Variants in PPP1R42 observed in about 807,000 individuals in gnomAD.
PPP1R42 encodes the protein protein phosphatase 1 regulatory subunit 42, also known as leucine rich repeat containing 67.
PPP1R42 carries 34 observed loss-of-function variants against 31.0 expected under a neutral mutation model. The observed-to-expected ratio is 1.10, with a 90% confidence interval of 0.83 to 1.46. PPP1R42 has a LOEUF of 1.46. Among genes scored for constraint, PPP1R42 ranks in the 40% most tolerant of loss-of-function variants. PPP1R42 has a pLI of 0.00. For synonymous variants in PPP1R42, 103 were observed against 109.8 expected, an observed-to-expected ratio of 0.94 and a Z score of 0.39; for missense variants, 268 against 303.0, an observed-to-expected ratio of 0.88 and a Z score of 0.86.
At chr8:67,022,820 G>C (rs140622538) in intron 1 of PPP1R42, among the ~76,000 whole-genome samples, 146 of 152,064 alleles carry the variant, frequency 9.6e-4, no homozygotes, top group African/African-American at 3.4e-3. Context: ...TGACAACACG[G>C]TCTTAATTAG....
At position 66,988,388 on chromosome 8, in the gene PPP1R42, A is replaced by G; in HGVS notation, c.670+12T>C. 1 of 1,409,594 alleles carries G rather than the reference A, an allele frequency of 7.1e-7. No individual in the cohort carries two copies. Among genetic ancestry groups the G allele is most frequent in the Non-Finnish European group, 9.3e-7 (1 of 1,080,586 alleles). 87.3% of individuals were successfully genotyped at this position (1,409,594 alleles called of 1,614,324 possible). A position where few individuals can be genotyped will look rare whatever the true frequency, so the allele number is the denominator to read the frequency against. On this transcript the variant is annotated intron_variant, in intron 6 of 7. Transcript: ENST00000685739. The stretch of plus-strand genomic sequence containing the variant: ...TCATTCTCTTAAAAATTATATTAAT[A>G]TAAATATGTACCCAGTGATTTGGAC...
At chr8:66,984,195 C>T (rs948774082) in intron 6 of PPP1R42, 1 of 1,570,106 alleles carries the variant, frequency 6.4e-7, no homozygotes, top group African/African-American at 1.4e-5. Flanking sequence ...CAGCCCCATG[C>T]TTTCTGAAAT....
intron 5 of PPP1R42, among the ~76,000 whole-genome samples, chr8:67,010,310 C>T (rs952998848): frequency 6.6e-6 from 1 of 152,148 alleles, no homozygotes; most frequent in African/African-American, 2.4e-5. Context: ...CAGTCAGAAT[C>T]ATTTCAAGTA....
intron 5 of PPP1R42, among the ~76,000 whole-genome samples, chr8:66,994,003 TTTC>T (rs1216263501): frequency 6.6e-6 from 1 of 152,192 alleles, no homozygotes; most frequent in African/African-American, 2.4e-5. Flanking sequence ...TATCTTCTCT[TTTC>T]TTCTATTTCC....
intron 5 of PPP1R42, among the ~76,000 whole-genome samples, chr8:66,988,924 T>G (rs1481780165): frequency 2.0e-5 from 3 of 151,956 alleles, no homozygotes; most frequent in African/African-American, 7.3e-5. Flanking sequence ...GCTTTTTATT[T>G]TACAAAGAAT....
chr8:67,000,255 G>A (rs1383730558), intron 5 of PPP1R42, among the ~76,000 whole-genome samples: 2 of 151,418 alleles, frequency 1.3e-5, no homozygotes, highest in East Asian at 3.9e-4. Flanking sequence ...ATTATTGTTT[G>A]TATTTTTCCC....
chr8:66,976,384 C>T (rs1277076858), intron 7 of PPP1R42, among the ~76,000 whole-genome samples: 1 of 152,190 alleles, frequency 6.6e-6, no homozygotes, highest in Non-Finnish European at 1.5e-5. Context: ...CAATATCCCC[C>T]TCCACCACAC....
chr8:66,995,048 C>T (rs966362649), intron 5 of PPP1R42, among the ~76,000 whole-genome samples: 9 of 152,100 alleles, frequency 5.9e-5, no homozygotes, highest in South Asian at 2.1e-4. Flanking sequence ...CTGTTGCTGA[C>T]GATTCAGGAT....
At chr8:66,985,975 C>T (rs1814997335) in intron 6 of PPP1R42, 4 of 745,998 alleles carry the variant, frequency 5.4e-6, no homozygotes, top group East Asian at 2.5e-5. Flanking sequence ...TTTCTGCTTC[C>T]GTCACTGCTA....
chr8:66,968,103 G>A (rs1814437233), intron 7 of PPP1R42, among the ~76,000 whole-genome samples: 1 of 151,864 alleles, frequency 6.6e-6, no homozygotes, highest in Non-Finnish European at 1.5e-5. Context: ...GAACAGTGAA[G>A]GCATTTGTTC....
intron 5 of PPP1R42, among the ~76,000 whole-genome samples, chr8:67,004,244 A>G (rs528461943): frequency 1.2e-4 from 18 of 152,338 alleles, no homozygotes; most frequent in African/African-American, 3.8e-4. Context: ...GCAAGGCTCT[A>G]TCTTGGAAGC....
rs568015201 is a variant in PPP1R42, at chr8:67,028,246, C to T, written c.-85+245G>A. Among the ~76,000 whole-genome samples the T allele has an allele frequency of 2.6e-5, 4 of 152,310 alleles. No homozygotes were observed. The South Asian group carries it at 8.3e-4, about 32-fold the overall frequency. Reference sequence around the variant, plus strand: ...ACGCCCACCGGGCTGCTTCCTCAGCCCCGCGACCACCCCTCCACCTGTGTC... The same window carrying T: ...ACGCCCACCGGGCTGCTTCCTCAGCTCCGCGACCACCCCTCCACCTGTGTC... On this transcript the variant is annotated intron_variant, in intron 1 of 7. Transcript: ENST00000685739.
intron 6 of PPP1R42, among the ~76,000 whole-genome samples, chr8:66,987,066 CT>C (rs1815040357): frequency 6.6e-6 from 1 of 152,004 alleles, no homozygotes; most frequent in African/African-American, 2.4e-5. Flanking sequence ...CTTTCCAGAT[CT>C]ATTTTTATTA....
chr8:67,001,679 C>T (rs895923596), intron 5 of PPP1R42, among the ~76,000 whole-genome samples: 1 of 152,160 alleles, frequency 6.6e-6, no homozygotes, highest in Non-Finnish European at 1.5e-5. Flanking sequence ...TACTACTTCA[C>T]GTATAATGTA....
chr8:66,964,444 T>C, intron 7 of PPP1R42, 110 bp from the exon 8 acceptor site: 1 of 403,642 alleles, frequency 2.5e-6, no homozygotes. Context: ...TAAAGGCTAA[T>C]GATTAATCAC....
At chr8:66,993,025 T>C (rs1376663354) in intron 5 of PPP1R42, among the ~76,000 whole-genome samples, 1 of 152,190 alleles carries the variant, frequency 6.6e-6, no homozygotes, top group South Asian at 2.1e-4. Context: ...CAAAGGCGCT[T>C]CAAACCCTAC....
chr8:67,028,152 C>A (rs1458867364), intron 1 of PPP1R42, among the ~76,000 whole-genome samples: 1 of 152,110 alleles, frequency 6.6e-6, no homozygotes, highest in Non-Finnish European at 1.5e-5. Flanking sequence ...TCAGTGGCTT[C>A]CAGATGCTCT....
At chr8:66,985,815 A>G (rs1814992139) in intron 6 of PPP1R42, 2 of 1,244,172 alleles carry the variant, frequency 1.6e-6, no homozygotes, top group Non-Finnish European at 1.2e-6. Flanking sequence ...TGTGGAGCTT[A>G]GTCAGCATGC....
chr8:66,967,050 C>T (rs1404464116), intron 7 of PPP1R42, among the ~76,000 whole-genome samples: 2 of 152,186 alleles, frequency 1.3e-5, no homozygotes, highest in Non-Finnish European at 2.9e-5. Flanking sequence ...AATCGCGGCT[C>T]ACTGCAGCCT....
Sources: gnomAD v4.1 joint callset for allele counts (sites outside exome capture counted in the v4.1 genomes callset) on GRCh38, gnomAD v4.1.1 for gene constraint, MANE v1.5 for transcripts, NCBI Gene and HGNC (gene_info 2026-07-23, HGNC 2026-07-21) for gene names.